The following CNBD1 variants were observed in gnomAD, a reference collection of about 807,000 sequenced individuals.
CNBD1 encodes cyclic nucleotide binding domain containing 1.
CNBD1 carries 71 observed loss-of-function variants against 54.4 expected under a neutral mutation model. The observed-to-expected ratio is 1.30, with a 90% confidence interval of 1.08 to 1.59. CNBD1 has a LOEUF of 1.59. Ranked by LOEUF, CNBD1 falls within the 40% of genes most tolerant of loss-of-function variation. The probability of loss-of-function intolerance (pLI) is 0.00; values close to 1 mark genes in which losing one functional copy is unlikely to be tolerated. For missense variants in CNBD1, 659 were observed against 518.0 expected (o/e 1.27, Z -2.64); for synonymous variants, 182 against 170.7 (o/e 1.07, Z -0.51).
intron 4 of CNBD1, among the ~76,000 whole-genome samples, chr8:86,980,526 TAG>T (rs1563846197): frequency 1.3e-5 from 2 of 152,214 alleles, no homozygotes; most frequent in Non-Finnish European, 2.9e-5. Flanking sequence ...CACAGTTTGA[TAG>T]AGTTTATTTT....
In CNBD1 at chr8:87,147,773, A is replaced by C. The variant is rs139342122; in HGVS notation, c.432-58220A>C. 3.2e-3 allele frequency among the ~76,000 whole-genome samples: 484 copies of C among 152,192 alleles called. 3 individuals carry two copies. Among genetic ancestry groups the C allele is most frequent in the African/African-American group, 0.011 (459 of 41,564 alleles). ...ATTTTAATTTTGAGCACCCTAGCCC[A>C]AAAAAAGGAAACTGTCAGCACTGAT... On this transcript the variant is annotated intron_variant, in intron 4 of 10. Transcript: ENST00000518476.
intron 6 of CNBD1, among the ~76,000 whole-genome samples, chr8:87,277,303 T>C (rs1161821567): frequency 1.3e-5 from 2 of 151,810 alleles, no homozygotes; most frequent in Non-Finnish European, 3.0e-5. Context: ...TTTTATGCTA[T>C]ACAGGCCTTT....
intron 8 of CNBD1, among the ~76,000 whole-genome samples, chr8:87,301,121 A>G (rs976384991): frequency 6.6e-6 from 1 of 152,114 alleles, no homozygotes; most frequent in Non-Finnish European, 1.5e-5. Context: ...AATTCCTGGA[A>G]AAAATACAAC....
intron 4 of CNBD1, among the ~76,000 whole-genome samples, chr8:87,142,593 A>C (rs556323791): frequency 6.6e-6 from 1 of 152,194 alleles, no homozygotes. Context: ...TTAAATTGGT[A>C]CTAAATCTTA....
intron 4 of CNBD1, among the ~76,000 whole-genome samples, chr8:87,026,416 C>G (rs1169266114): frequency 6.7e-6 from 1 of 148,368 alleles, no homozygotes; most frequent in Middle Eastern, 3.4e-3. Flanking sequence ...ATACAAAGAA[C>G]CCCTGCTTAT....
intron 4 of CNBD1, among the ~76,000 whole-genome samples, chr8:87,136,051 A>G (rs1586280700): frequency 6.6e-6 from 1 of 152,056 alleles, no homozygotes; most frequent in Non-Finnish European, 1.5e-5. Flanking sequence ...TTGATGGCAT[A>G]GGTTTTATCC....
At chr8:87,030,841 C>A (rs1318228387) in intron 4 of CNBD1, among the ~76,000 whole-genome samples, 1 of 119,242 alleles carries the variant, frequency 8.4e-6, no homozygotes, top group Non-Finnish European at 1.7e-5. Flanking sequence ...CTTCTCCCCC[C>A]TCCCCTCTCC....
At chr8:87,031,157 G>A (rs1173873614) in intron 4 of CNBD1, among the ~76,000 whole-genome samples, 2 of 151,676 alleles carry the variant, frequency 1.3e-5, no homozygotes, top group Non-Finnish European at 2.9e-5. Flanking sequence ...CAAGGGAATA[G>A]GGGGTTAGAA....
intron 10 of CNBD1, among the ~76,000 whole-genome samples, chr8:87,368,489 T>A: frequency 6.6e-6 from 1 of 151,754 alleles, no homozygotes; most frequent in East Asian, 2.0e-4. Context: ...TAGTAAAAAG[T>A]TAGCTGGGCA....
chr8:86,996,392 A>G (rs1373071619), intron 4 of CNBD1, among the ~76,000 whole-genome samples: 2 of 152,204 alleles, frequency 1.3e-5, no homozygotes, highest in Non-Finnish European at 2.9e-5. Context: ...ATTGATGTAA[A>G]CATCAATAAC....
intron 2 of CNBD1, among the ~76,000 whole-genome samples, chr8:87,402,789 G>A (rs1291912909): frequency 1.3e-5 from 2 of 152,018 alleles, no homozygotes; most frequent in African/African-American, 4.8e-5. Context: ...AGATATATGT[G>A]GAGTAGAACA....
intron 4 of CNBD1, among the ~76,000 whole-genome samples, chr8:87,015,253 G>T (rs181239914): frequency 1.3e-5 from 2 of 152,232 alleles, no homozygotes; most frequent in East Asian, 3.9e-4. Flanking sequence ...CACGATCTTG[G>T]CTCACTGCAA....
At chr8:87,377,296 TC>T (rs1198046987) in intron 10 of CNBD1, among the ~76,000 whole-genome samples, 1 of 135,340 alleles carries the variant, frequency 7.4e-6, no homozygotes. Flanking sequence ...ATGCTATCCC[TC>T]CCCCCTCCCC....
At chr8:86,893,893 C>G (rs1245694165) in intron 2 of CNBD1, among the ~76,000 whole-genome samples, 3 of 151,952 alleles carry the variant, frequency 2.0e-5, no homozygotes, top group Non-Finnish European at 4.4e-5. Flanking sequence ...TTTTAATCTA[C>G]TACTCCACTC....
intron 10 of CNBD1, among the ~76,000 whole-genome samples, chr8:87,357,159 A>T (rs905978664): frequency 5.3e-5 from 8 of 152,218 alleles, no homozygotes; most frequent in African/African-American, 1.9e-4. Flanking sequence ...AGGCTCCTGC[A>T]GGGGCCCCAC....
At chr8:87,134,844 C>T (rs889521794) in intron 4 of CNBD1, among the ~76,000 whole-genome samples, 1 of 151,686 alleles carries the variant, frequency 6.6e-6, no homozygotes, top group East Asian at 1.9e-4. Flanking sequence ...CTCCTGACTT[C>T]GTGATCTGCC....
intron 4 of CNBD1, among the ~76,000 whole-genome samples, chr8:87,137,088 T>TA (rs377121607): frequency 2.6e-5 from 3 of 113,530 alleles, no homozygotes; most frequent in African/African-American, 3.6e-5. Context: ...ATTATATATA[T>TA]TTATATTATA....
chr8:87,126,448 G>A (rs1262231995), intron 4 of CNBD1, among the ~76,000 whole-genome samples: 1 of 151,800 alleles, frequency 6.6e-6, no homozygotes, highest in African/African-American at 2.4e-5. Context: ...CCTTTTACTT[G>A]TACAAATCTT....
chr8:87,057,584 C>G (rs1429283042), intron 4 of CNBD1, among the ~76,000 whole-genome samples: 1 of 152,198 alleles, frequency 6.6e-6, no homozygotes, highest in African/African-American at 2.4e-5. Context: ...CGCAGTGGCC[C>G]ATCCCTGTAA....
Sources: gnomAD v4.1 joint callset for allele counts (sites outside exome capture counted in the v4.1 genomes callset) on GRCh38, gnomAD v4.1.1 for gene constraint, MANE v1.5 for transcripts, NCBI Gene and HGNC (gene_info 2026-07-23, HGNC 2026-07-21) for gene names.